The following TEAD4 variants were observed in gnomAD, a reference collection of about 807,000 sequenced individuals.
TEAD4 encodes transcriptional enhancer factor TEF-3.
Under a neutral mutation model 52.4 loss-of-function variants are expected in TEAD4, and 36 were observed. That is an observed-to-expected ratio of 0.69 (90% CI 0.53 to 0.91). TEAD4 has a LOEUF of 0.91. Among genes scored for constraint, TEAD4 ranks in the 40% least tolerant of loss-of-function variants. TEAD4 has a pLI of 0.00. For missense variants in TEAD4, 508 were observed against 583.9 expected (o/e 0.87, Z 1.34); for synonymous variants, 220 against 231.0 (o/e 0.95, Z 0.43).
chr12:3,040,094 C>G lies in TEAD4; in HGVS notation c.1039-13C>G. ...ATGGGATTCTAAGCCCCTGCTCTCC[C>G]CGGGTCCTGCAGACAGAGTATGCTC... On this transcript the variant is annotated splice_polypyrimidine_tract_variant and intron_variant, in intron 11 of 12. Coordinates refer to ENST00000359864, the MANE Select transcript of TEAD4 (RefSeq NM_003213.4). The G allele has an allele frequency of 1.2e-6, 2 of 1,613,820 alleles. No individual in the cohort carries two copies. Among genetic ancestry groups the G allele is most frequent in the Middle Eastern group, 1.6e-4 (1 of 6,062 alleles).
chr12:2,981,636 G>A (rs1348939094), intron 2 of TEAD4, among the ~76,000 whole-genome samples: 1 of 152,182 alleles, frequency 6.6e-6, no homozygotes, highest in Non-Finnish European at 1.5e-5. Context: ...CTTTTCTCTA[G>A]AGTTTAGTCC....
Position 2,995,108 on chromosome 12 carries a change from G to T in TEAD4, c.226+116G>T, listed in dbSNP as rs577364862. On this transcript the variant is annotated intron_variant, in intron 3 of 12. Transcript: ENST00000359864. The stretch of plus-strand genomic sequence containing the variant: ...GGATGACCACTTGGGGCTTTGTCGG[G>T]TGGACACTGCTTTCTTCCCTCCTGG... The T allele has an allele frequency of 4.1e-5, 54 of 1,317,800 alleles. No homozygotes were observed. In the African/African-American group the frequency reaches 6.8e-4, roughly 17 times the overall value. 81.6% of individuals were successfully genotyped at this position (1,317,800 alleles called of 1,614,324 possible).
intron 3 of TEAD4, among the ~76,000 whole-genome samples, chr12:3,005,974 G>A (rs932358182): frequency 1.3e-5 from 2 of 152,084 alleles, no homozygotes; most frequent in Admixed American, 6.5e-5. Context: ...TGCCCAGCAT[G>A]GTGACTGTAG....
At chr12:2,996,558 G>T (rs1408865226) in intron 3 of TEAD4, among the ~76,000 whole-genome samples, 1 of 151,884 alleles carries the variant, frequency 6.6e-6, no homozygotes. Context: ...TTACAGGCAC[G>T]TGCCACCACT....
In TEAD4 at chr12:2,994,976, C is replaced by T. The variant is rs148965461; in HGVS notation, c.210C>T (p.Asp70=). The change falls in exon 3 of 13, where the codon GAC becomes GAT. Residue 70 remains aspartate, a synonymous_variant. Coordinates refer to ENST00000359864, the MANE Select transcript of TEAD4 (RefSeq NM_003213.4). This position sits in a 1 kb window ranked among gnomAD's most constrained non-coding sequence, Gnocchi z 4.7. ...GCAGGCGCAAAATCATCCTGTCGGA[C>T]GAGGGCAAGATGTATGGTAAGGAGC... The T allele has an allele frequency of 7.4e-6, 12 of 1,613,932 alleles. No homozygotes were observed. Among genetic ancestry groups the T allele is most frequent in the South Asian group, 3.3e-5 (3 of 91,070 alleles).
chr12:3,010,944 C>G (rs2098259806), intron 3 of TEAD4, 60 bp from the exon 4 acceptor site: 2 of 1,598,464 alleles, frequency 1.3e-6, no homozygotes, highest in Non-Finnish European at 1.7e-6. Context: ...CCCCGCACCC[C>G]CTCACTGCTT....
chr12:2,989,669 G>A (rs368519154), intron 2 of TEAD4, among the ~76,000 whole-genome samples: 1 of 151,992 alleles, frequency 6.6e-6, no homozygotes, highest in Non-Finnish European at 1.5e-5. Context: ...CAAACTCCTG[G>A]CCTCAAGCCA....
chr12:2,998,611 C>T (rs990346386), intron 3 of TEAD4, among the ~76,000 whole-genome samples: 2 of 151,822 alleles, frequency 1.3e-5, no homozygotes, highest in Admixed American at 1.3e-4. Flanking sequence ...GTCAGCGCTC[C>T]CAGCATCCTG....
rs752979895 is a variant in TEAD4 at position 3,012,146 on chromosome 12, A to G, written c.292-24A>G. On this transcript the variant is annotated intron_variant, in intron 4 of 12. Transcript: ENST00000359864. ...ACACAGGTTGTTGGGAGGTAGAGAC[A>G]GGAGTCCTCTCTCCCTGCCACAGGT... 1.2e-5 allele frequency: 19 copies of G among 1,612,832 alleles called. No individual in the cohort carries two copies. The South Asian group carries it at 1.4e-4, about 12-fold the overall frequency.
intron 9 of TEAD4, 130 bp from the exon 10 acceptor site, chr12:3,021,714 C>T: frequency 1.2e-6 from 1 of 857,082 alleles, no homozygotes; most frequent in Non-Finnish European, 1.8e-6. Context: ...CTATTTTACT[C>T]ATGGGGAAAC....
intron 10 of TEAD4, among the ~76,000 whole-genome samples, chr12:3,032,174 C>G (rs955048610): frequency 5.3e-5 from 8 of 152,334 alleles, no homozygotes; most frequent in African/African-American, 1.9e-4. Flanking sequence ...CTTTTCCAAA[C>G]TTGGTAGTGG....
intron 2 of TEAD4, among the ~76,000 whole-genome samples, chr12:2,984,926 G>A (rs2098236862): frequency 6.6e-6 from 1 of 152,066 alleles, no homozygotes; most frequent in South Asian, 2.1e-4. Flanking sequence ...AGGCTTGACT[G>A]TACACTACTC....
chr12:3,017,682 C>A (rs943459906), intron 6 of TEAD4, among the ~76,000 whole-genome samples, 156 bp downstream of exon 6: 1 of 152,226 alleles, frequency 6.6e-6, no homozygotes, highest in African/African-American at 2.4e-5. Context: ...GACCCAAGGG[C>A]CACACACATC....
chr12:3,017,374 C>G (rs373328316), intron 5 of TEAD4, 24 bp from the exon 6 acceptor site: 21 of 1,613,928 alleles, frequency 1.3e-5, no homozygotes, highest in Non-Finnish European at 1.6e-5. Flanking sequence ...CTGCTGAGGT[C>G]CTCCCTTGCA....
chr12:2,989,154 C>G (rs1412855605), intron 2 of TEAD4, among the ~76,000 whole-genome samples: 2 of 152,084 alleles, frequency 1.3e-5, no homozygotes, highest in African/African-American at 4.8e-5. Flanking sequence ...AGCCCCCACC[C>G]TGTGGGATCT....
chr12:3,010,368 C>T (rs1436905621), intron 3 of TEAD4, among the ~76,000 whole-genome samples: 1 of 152,242 alleles, frequency 6.6e-6, no homozygotes, highest in Non-Finnish European at 1.5e-5. Flanking sequence ...GGGCTGGGCC[C>T]ATGGAGAGTG....
At chr12:3,000,511 G>A (rs983527141) in intron 3 of TEAD4, among the ~76,000 whole-genome samples, 3 of 152,076 alleles carry the variant, frequency 2.0e-5, no homozygotes, top group African/African-American at 7.2e-5. Context: ...CGCTCTGTTA[G>A]CTCATTAATC....
chr12:3,011,091 G>A, intron 4 of TEAD4, 23 bp downstream of exon 4: 1 of 1,613,660 alleles, frequency 6.2e-7, no homozygotes, highest in Non-Finnish European at 8.5e-7. Flanking sequence ...AGACGGGTAG[G>A]GGTCCCGGGG....
chr12:2,985,739 C>T (rs1174138248), intron 2 of TEAD4, among the ~76,000 whole-genome samples: 4 of 152,086 alleles, frequency 2.6e-5, no homozygotes, highest in South Asian at 2.1e-4. Context: ...CTCCTGACCT[C>T]GTGATCCACC....
Sources: allele counts gnomAD v4.1 joint callset (sites outside exome capture counted in the v4.1 genomes callset), GRCh38; gene constraint gnomAD v4.1.1; non-coding constraint Gnocchi (gnomAD v3.1); transcripts MANE v1.5; gene names NCBI Gene and HGNC (gene_info 2026-07-23, HGNC 2026-07-21).